ACSF3: variants seen among roughly 807,000 people sequenced by gnomAD.
The protein encoded by ACSF3 is acyl-CoA synthetase family member 3, also known as malonate--CoA ligase ACSF3, mitochondrial.
ACSF3 carries 78 observed loss-of-function variants against 53.2 expected under a neutral mutation model. The ratio of observed to expected loss-of-function variants is 1.47; its 90% CI spans 1.22 to 1.77. The LOEUF is 1.77. Ranked by LOEUF, ACSF3 falls within the 40% of genes most tolerant of loss-of-function variation. The probability of loss-of-function intolerance (pLI) is 0.00; values close to 1 mark genes in which losing one functional copy is unlikely to be tolerated. For missense variants in ACSF3, 937 were observed against 771.1 expected, an observed-to-expected ratio of 1.22 and a Z score of -2.55; for synonymous variants, 414 against 333.1, an observed-to-expected ratio of 1.24 and a Z score of -2.65.
intron 1 of ACSF3, among the ~76,000 whole-genome samples, chr16:89,098,135 A>G (rs1452061038): frequency 2.0e-5 from 3 of 152,218 alleles, no homozygotes; most frequent in Admixed American, 6.5e-5. Flanking sequence ...CAAACAAGCA[A>G]AAACCAAGGC....
intron 6 of ACSF3, among the ~76,000 whole-genome samples, 197 bp from the exon 7 acceptor site, chr16:89,120,604 A>G (rs979227219): frequency 3.3e-5 from 5 of 152,260 alleles, no homozygotes; most frequent in Non-Finnish European, 7.3e-5. Flanking sequence ...CGTGCTTGCC[A>G]GCCACGTATC....
intron 1 of ACSF3, among the ~76,000 whole-genome samples, chr16:89,097,599 G>A (rs1265425869): frequency 6.6e-6 from 1 of 152,230 alleles, no homozygotes. Flanking sequence ...AAGGAAGCGT[G>A]GTGGGGCCGC....
At chr16:89,146,130 C>T (rs980948947) in intron 10 of ACSF3, 81 bp downstream of exon 10, 21 of 1,046,922 alleles carry the variant, frequency 2.0e-5, no homozygotes, top group African/African-American at 7.8e-5. Flanking sequence ...GTATTGGCAT[C>T]GTCCGTCTTA....
chr16:89,114,323 T>C lies in ACSF3; in HGVS notation c.978-16T>C. On this transcript the variant is annotated splice_polypyrimidine_tract_variant and intron_variant, in intron 5 of 10. Coordinates refer to ENST00000614302, the MANE Select transcript of ACSF3 (RefSeq NM_001243279.3). Reference sequence around the variant, plus strand: ...CGTCCCAAGGGGCTAAACCTGCCTTTGGTTGTGCCGCGTAGGCTGATGGTC... The same window carrying C: ...CGTCCCAAGGGGCTAAACCTGCCTTCGGTTGTGCCGCGTAGGCTGATGGTC... The C allele has an allele frequency of 6.2e-7, 1 of 1,613,892 alleles. No individual in the cohort carries two copies. The highest frequency in any genetic ancestry group is 1.1e-5 in the South Asian group (1 of 91,086).
At chr16:89,149,286 C>T (rs916534818) in intron 10 of ACSF3, 7 of 152,234 alleles carry the variant, frequency 4.6e-5, no homozygotes, top group African/African-American at 1.4e-4. Context: ...TGCCTGTTAC[C>T]CAGTTCCAAA....
At chr16:89,151,637 C>T (rs1010509259) in intron 10 of ACSF3, 3 of 196,218 alleles carry the variant, frequency 1.5e-5, no homozygotes, top group African/African-American at 2.4e-5. Context: ...GATGGAGTCT[C>T]GCTCTGTCGC....
At chr16:89,146,082 A>C (rs1371636860) in intron 10 of ACSF3, 33 bp downstream of exon 10, 1 of 1,488,560 alleles carries the variant, frequency 6.7e-7, no homozygotes, top group Non-Finnish European at 9.3e-7. Flanking sequence ...GGGAGCACTC[A>C]TGGGGTCTTG....
At position 89,114,482 on chromosome 16, in the gene ACSF3, T is replaced by C. The variant is rs1904713918; in HGVS notation, c.1121T>C (p.Leu374Pro). 2 of 1,611,630 alleles carry C rather than the reference T, an allele frequency of 1.2e-6. No individual in the cohort carries two copies. The highest frequency in any genetic ancestry group is 2.2e-5 in the East Asian group (1 of 44,876). Residue 374 changes from leucine (L) to proline (P), a missense_variant, in exon 6 of 11, where the codon CTG becomes CCG. Transcript: ENST00000614302. ...GGGCCCCTGACCACTGCCGTGCGCC[T>C]GCCAGGTACGAGCACTTCCCACAGC... is the stretch of plus-strand genomic sequence containing the variant. Reference protein sequence around the residue: ...LSGPLTTAVRLPGSVGTPLPG... With the variant: ...LSGPLTTAVRPPGSVGTPLPG...
chr16:89,101,309 A>C lies in ACSF3; in HGVS notation c.628A>C (p.Lys210Gln), dbSNP rs538548478. ...CACCAGTGGGACCACGGGGAGGCCC[A>C]AGGGCGTGCTGAGCACGCACCAAAA... is the stretch of plus-strand genomic sequence containing the variant. The part of the protein sequence containing the change: ...IYTSGTTGRP[K>Q]GVLSTHQNIR... Residue 210 changes from lysine (K) to glutamine (Q), a missense_variant, in exon 3 of 11, where the codon AAG (lysine) becomes CAG (glutamine). Coordinates refer to ENST00000614302, the MANE Select transcript of ACSF3 (RefSeq NM_001243279.3). 1.9e-5 allele frequency: 30 copies of C among 1,600,526 alleles called. No homozygotes were observed. In the East Asian group the frequency reaches 5.2e-4, roughly 28 times the overall value.
chr16:89,150,988 ACAGT>A (rs1209139034), intron 10 of ACSF3: 1 of 1,284,272 alleles, frequency 7.8e-7, no homozygotes, highest in Admixed American at 2.3e-5. Flanking sequence ...GAGGAAATTC[ACAGT>A]CAAATTTCCC....
chr16:89,155,533 C>G lies in ACSF3; in HGVS notation c.*1326C>G, dbSNP rs777984551. The stretch of plus-strand genomic sequence containing the variant: ...GGTGCCCCAGTCCACGGCCCTGCCC[C>G]ACCCGAACTCCTGCCTCACGGTGTG... On this transcript the variant is annotated 3_prime_UTR_variant, in exon 11 of 11. Coordinates refer to ENST00000614302, the MANE Select transcript of ACSF3 (RefSeq NM_001243279.3). The G allele has an allele frequency of 1.3e-5, 6 of 454,018 alleles. No homozygotes were observed. The highest frequency in any genetic ancestry group is 6.2e-5 in the South Asian group (4 of 64,480). The allele number at this position is 454,018 out of a possible 1,614,324, so 28.1% of individuals were successfully genotyped here. A position where few individuals can be genotyped will look rare whatever the true frequency, so the allele number is the denominator to read the frequency against.
chr16:89,120,773 C>G, intron 6 of ACSF3, 28 bp from the exon 7 acceptor site: 1 of 1,604,524 alleles, frequency 6.2e-7, no homozygotes, highest in South Asian at 1.1e-5. Context: ...ACTCCAGCCT[C>G]CCCTTCAGTG....
At position 89,145,400 on chromosome 16, in the gene ACSF3, A is replaced by G. The variant is rs1183363077; in HGVS notation, c.1500A>G (p.Thr500=). The change falls in exon 9 of 11, where the codon ACA becomes ACG. Residue 500 remains threonine, a splice_region_variant and synonymous_variant. Coordinates refer to ENST00000614302, the MANE Select transcript of ACSF3 (RefSeq NM_001243279.3). ...ACCTGCTGGCCCACCCCAGCATCAC[A>G]GGTGCGTGGCCGGACTTGGGCCAGG... The part of the protein sequence containing the change: ...EWHLLAHPSI[T]DVAVIGVPDM... The G allele has an allele frequency of 9.9e-6, 16 of 1,613,904 alleles. No homozygotes were observed. In the Admixed American group the frequency reaches 2.5e-4, roughly 25 times the overall value.
chr16:89,153,665 C>G (rs1914386106), intron 10 of ACSF3: 2 of 298,652 alleles, frequency 6.7e-6, no homozygotes, highest in Non-Finnish European at 1.3e-5. Flanking sequence ...CACCTGCCCA[C>G]CCACTCCCCA....
At position 89,102,591 on chromosome 16, in the gene ACSF3, T is replaced by C. The variant is rs139367843; in HGVS notation, c.667-13T>C. 15,390 of 1,613,294 alleles carry C rather than the reference T, an allele frequency of 9.5e-3. 108 individuals are homozygous for C. The highest frequency in any genetic ancestry group is 0.015 in the Middle Eastern group (87 of 5,854). ...CTTGCTCTTGCTCTCAGCTGTGCTC[T>C]CGTCCCCTGCAGGTGACCGGGCTGG... On this transcript the variant is annotated splice_polypyrimidine_tract_variant and intron_variant, in intron 3 of 10. Coordinates refer to ENST00000614302, the MANE Select transcript of ACSF3 (RefSeq NM_001243279.3).
chr16:89,114,255 C>T (rs973665948), intron 5 of ACSF3, 84 bp from the exon 6 acceptor site: 8 of 1,591,746 alleles, frequency 5.0e-6, no homozygotes, highest in South Asian at 4.4e-5. Context: ...GCAAGGGCCG[C>T]CTCCTGAGGG....
intron 4 of ACSF3, among the ~76,000 whole-genome samples, chr16:89,110,955 C>T (rs1050284493): frequency 6.6e-6 from 1 of 152,160 alleles, no homozygotes; most frequent in Non-Finnish European, 1.5e-5. Context: ...TGACTTTTTT[C>T]CTCTTTTCTG....
At chr16:89,147,696 G>A (rs1913365156) in intron 10 of ACSF3, 1 of 152,186 alleles carries the variant, frequency 6.6e-6, no homozygotes, top group Non-Finnish European at 1.5e-5. Context: ...CTCCCACCAG[G>A]TCGCTCCTCC....
chr16:89,094,260 C>T (rs1263333923), intron 1 of ACSF3, among the ~76,000 whole-genome samples: 1 of 151,998 alleles, frequency 6.6e-6, no homozygotes, highest in Admixed American at 6.5e-5. Context: ...TACCGTCGAG[C>T]CGGCGGGGTC....
Sources: allele counts gnomAD v4.1 joint callset (sites outside exome capture counted in the v4.1 genomes callset), GRCh38; gene constraint gnomAD v4.1.1; transcripts MANE v1.5; gene names NCBI Gene and HGNC (gene_info 2026-07-23, HGNC 2026-07-21).